LPP: variants seen among roughly 807,000 people sequenced by gnomAD.
The protein encoded by LPP is LIM domain containing preferred translocation partner in lipoma.
In LPP, 38 loss-of-function variants were observed where a neutral mutation model predicts 60.4. The ratio of observed to expected loss-of-function variants is 0.63; its 90% CI spans 0.49 to 0.83. The LOEUF (loss-of-function observed/expected upper bound fraction) is 0.83, where lower values mean the gene tolerates loss of function less well. Among genes scored for constraint, LPP ranks in the 40% least tolerant of loss-of-function variants. The pLI is 0.00. For missense variants in LPP, 902 were observed against 783.6 expected (o/e 1.15, Z -1.80); for synonymous variants, 328 against 290.8 (o/e 1.13, Z -1.30).
chr3:188,220,363 G>A (rs1362834915), intron 1 of LPP, among the ~76,000 whole-genome samples: 1 of 152,076 alleles, frequency 6.6e-6, no homozygotes, highest in Admixed American at 6.6e-5. Context: ...CTTACTTGAT[G>A]TCTTATCTCT....
intron 1 of LPP, among the ~76,000 whole-genome samples, chr3:188,196,954 T>C (rs974602091): frequency 3.3e-5 from 5 of 152,230 alleles, no homozygotes; most frequent in African/African-American, 7.2e-5. Context: ...CTGACTGTTA[T>C]TGTCTCTGCT....
intron 9 of LPP, among the ~76,000 whole-genome samples, chr3:188,807,130 T>C (rs1749401069): frequency 6.6e-6 from 1 of 151,900 alleles, no homozygotes; most frequent in South Asian, 2.1e-4. Flanking sequence ...GTTGGCCTTT[T>C]TCCTTTTATC....
intron 2 of LPP, among the ~76,000 whole-genome samples, chr3:188,276,553 G>A (rs187087245): frequency 6.6e-6 from 1 of 152,312 alleles, no homozygotes; most frequent in Non-Finnish European, 1.5e-5. Flanking sequence ...TGGAGGTGGA[G>A]TCTGGTGGGA....
chr3:188,153,543 C>CCTTCCT (rs1195755912), upstream of LPP: 1 of 152,408 alleles, frequency 6.6e-6, no homozygotes, highest in African/African-American at 2.4e-5. Context: ...TCCTACGTCT[C>CCTTCCT]CTTCCTCTTC....
At position 188,885,501 on chromosome 3, in the gene LPP, G is replaced by T. The variant is rs1770552657; in HGVS notation, c.*11022G>T. 1 of 182,286 alleles carries T rather than the reference G, an allele frequency of 5.5e-6. No homozygotes were observed. The highest frequency in any genetic ancestry group is 6.3e-5 in the Admixed American group (1 of 15,972). The allele number at this position is 182,286 out of a possible 1,614,324, so 11.3% of individuals were successfully genotyped here. A position where few individuals can be genotyped will look rare whatever the true frequency, so the allele number is the denominator to read the frequency against. On this transcript the variant is annotated 3_prime_UTR_variant, in exon 12 of 12. Transcript: ENST00000617246. ...ACTAGAAAAGTGCCTCACCTCCATG[G>T]TGTATATGTGCCACCTTTTCTTAAT...
chr3:188,163,745 C>T (rs1052557812), intron 1 of LPP, among the ~76,000 whole-genome samples: 2 of 149,162 alleles, frequency 1.3e-5, no homozygotes, highest in African/African-American at 5.0e-5. Flanking sequence ...AGTTTGAGAC[C>T]AGCCTGGTCA....
chr3:188,431,646 G>C (rs1168394417), intron 4 of LPP, among the ~76,000 whole-genome samples: 3 of 152,068 alleles, frequency 2.0e-5, no homozygotes, highest in South Asian at 2.1e-4. Context: ...TGGAGGGAAG[G>C]GTGAATGGAA....
intron 9 of LPP, among the ~76,000 whole-genome samples, chr3:188,816,954 CT>C (rs1226517713): frequency 6.6e-6 from 1 of 152,122 alleles, no homozygotes; most frequent in African/African-American, 2.4e-5. Flanking sequence ...TGCTTTTGAC[CT>C]TTTTTTCTTC....
intron 7 of LPP, among the ~76,000 whole-genome samples, chr3:188,669,607 C>T (rs1856551894): frequency 6.6e-6 from 1 of 151,982 alleles, no homozygotes; most frequent in Non-Finnish European, 1.5e-5. Flanking sequence ...CAGGAAACAA[C>T]AGGTGATGCA....
In LPP at chr3:188,484,680, T is replaced by C; in HGVS notation, c.282T>C (p.Leu94=). The part of the protein sequence containing the change: ...ISGNFPPPPP[L]DEEAFKVQGN... The stretch of plus-strand genomic sequence containing the variant: ...GAAACTTTCCTCCTCCACCACCTCT[T>C]GATGAAGAGGCTTTCAAAGTACAGG... Residue 94 remains leucine, a synonymous_variant, in exon 5 of 12, where the codon CTT becomes CTC. Transcript: ENST00000617246. The C allele has an allele frequency of 6.2e-7, 1 of 1,612,632 alleles. No homozygotes were observed.
intron 2 of LPP, among the ~76,000 whole-genome samples, chr3:188,317,899 AG>A (rs1302144474): frequency 6.6e-6 from 1 of 152,182 alleles, no homozygotes; most frequent in East Asian, 1.9e-4. Context: ...GGCTAGAGTG[AG>A]GGCATGTGAT....
chr3:188,459,499 C>A (rs1798506224), intron 4 of LPP, among the ~76,000 whole-genome samples: 1 of 152,096 alleles, frequency 6.6e-6, no homozygotes, highest in African/African-American at 2.4e-5. Context: ...CAGAATAGTT[C>A]ATTAATAGGA....
In LPP at chr3:188,690,538, G is replaced by A. The variant is rs532583204; in HGVS notation, c.1114-17729G>A. 3.3e-5 allele frequency among the ~76,000 whole-genome samples: 5 copies of A among 152,128 alleles called. No individual in the cohort carries two copies. The East Asian group carries it at 5.8e-4, about 18-fold the overall frequency. On this transcript the variant is annotated intron_variant, in intron 7 of 11. Coordinates refer to ENST00000617246, the MANE Select transcript of LPP (RefSeq NM_001375462.1). ...TAATCTACAAGTTGGAATGGATACG[G>A]TGCCCTAATTTTCGTGTTCCCTTTG...
At chr3:188,380,115 A>C (rs1365865939) in intron 3 of LPP, among the ~76,000 whole-genome samples, 1 of 152,190 alleles carries the variant, frequency 6.6e-6, no homozygotes, top group African/African-American at 2.4e-5. Context: ...CCAGGTGTGA[A>C]ATCATGAACA....
chr3:188,650,549 T>G (rs1212425368), intron 7 of LPP, among the ~76,000 whole-genome samples: 1 of 152,192 alleles, frequency 6.6e-6, no homozygotes, highest in African/African-American at 2.4e-5. Flanking sequence ...TCTGCTATCT[T>G]CTGTCCTTGT....
intron 7 of LPP, among the ~76,000 whole-genome samples, chr3:188,684,865 G>A (rs1007615907): frequency 1.3e-5 from 2 of 152,090 alleles, no homozygotes; most frequent in African/African-American, 2.4e-5. Flanking sequence ...TATTCAATTG[G>A]CAGAATTAAT....
intron 1 of LPP, among the ~76,000 whole-genome samples, chr3:188,195,869 G>A (rs1729389912): frequency 6.6e-6 from 1 of 152,168 alleles, no homozygotes; most frequent in Admixed American, 6.5e-5. Flanking sequence ...ATTCTAGCTT[G>A]TGTCTAGTAG....
At chr3:188,238,510 C>T (rs1482891243) in intron 2 of LPP, among the ~76,000 whole-genome samples, 1 of 152,100 alleles carries the variant, frequency 6.6e-6, no homozygotes, top group Non-Finnish European at 1.5e-5. Flanking sequence ...AGATGTGCTA[C>T]TCTTCCTTTC....
chr3:188,464,038 G>T (rs1275032131), intron 4 of LPP, among the ~76,000 whole-genome samples: 1 of 152,142 alleles, frequency 6.6e-6, no homozygotes, highest in Non-Finnish European at 1.5e-5. Context: ...AGTTTTGAAA[G>T]AAAGTAAAAC....
Sources: allele counts gnomAD v4.1 joint callset (sites outside exome capture counted in the v4.1 genomes callset), GRCh38; gene constraint gnomAD v4.1.1; transcripts MANE v1.5; gene names NCBI Gene and HGNC (gene_info 2026-07-23, HGNC 2026-07-21).